TIAM1: variants seen among roughly 807,000 people sequenced by gnomAD.
The protein encoded by TIAM1 is TIAM Rac1 associated GEF 1.
TIAM1 carries 65 observed loss-of-function variants against 163.5 expected under a neutral mutation model. That is an observed-to-expected ratio of 0.40 (90% CI 0.33 to 0.49). The LOEUF is 0.49. Among genes scored for constraint, TIAM1 ranks in the 20% least tolerant of loss-of-function variants. TIAM1 has a pLI of 0.77. For synonymous variants in TIAM1, 833 were observed against 810.1 expected, an observed-to-expected ratio of 1.03 and a Z score of -0.48; for missense variants, 1,789 against 2,044.7, an observed-to-expected ratio of 0.87 and a Z score of 2.41.
At chr21:31,165,760 A>C (rs2084180897) in intron 15 of TIAM1, among the ~76,000 whole-genome samples, 1 of 152,112 alleles carries the variant, frequency 6.6e-6, no homozygotes, top group African/African-American at 2.4e-5. Context: ...TTAATTCATT[A>C]ATTACTAAAA....
At position 31,245,576 on chromosome 21, in the gene TIAM1, T is replaced by C; in HGVS notation, c.1496A>G (p.Asn499Ser). The change falls in exon 6 of 28, where the codon AAC becomes AGC. Residue 499 changes from asparagine to serine, a missense_variant. Physicochemically the swap from Asn to Ser is conservative, Grantham distance 46. Around this residue, in one of 5 missense-constraint regions of TIAM1, gnomAD observed 456 missense variants for 586.6 expected, o/e 0.78. Coordinates refer to ENST00000541036, the MANE Select transcript of TIAM1 (RefSeq NM_001353694.2). ...SIPKHAVWVENSIVQAVPEHP... is the reference protein window; with the variant it reads ...SIPKHAVWVESSIVQAVPEHP... ...CTCAGGCACCGCCTGCACAATGCTGTTCTCCACCCAGACGGCGTGTTTGGG... is the reference window on the plus strand; with the variant it reads ...CTCAGGCACCGCCTGCACAATGCTGCTCTCCACCCAGACGGCGTGTTTGGG... The C allele has an allele frequency of 1.2e-6, 2 of 1,609,086 alleles. No homozygotes were observed. Among genetic ancestry groups the C allele is most frequent in the South Asian group, 1.1e-5 (1 of 89,912 alleles).
At chr21:31,365,866 G>C (rs2076496408) in intron 2 of TIAM1, among the ~76,000 whole-genome samples, 1 of 151,744 alleles carries the variant, frequency 6.6e-6, no homozygotes, top group Non-Finnish European at 1.5e-5. Flanking sequence ...ACTTTGGAAG[G>C]CTCAGGCAGG....
At chr21:31,370,023 C>T (rs1480495399) in intron 2 of TIAM1, among the ~76,000 whole-genome samples, 1 of 152,148 alleles carries the variant, frequency 6.6e-6, no homozygotes, top group East Asian at 1.9e-4. Flanking sequence ...GACCCCTTTC[C>T]CTTCCACCAC....
chr21:31,152,722 ACT>A lies in TIAM1; in HGVS notation c.3278_3279del (p.Glu1093ValfsTer7). On this transcript the variant is annotated frameshift_variant, in exon 19 of 28. Transcript: ENST00000541036. LOFTEE classifies it high-confidence loss of function. ...AGAGTTTTAAGGAATTCTACTTGAA[ACT>A]CTACCATTTCCGTTAAATTTCCAAA... Reference protein sequence around the residue: ...VLFGNLTEMVEFQVEFLKTLE... With the variant: ...VLFGNLTEMVXFQVEFLKTLE... 1 of 1,613,772 alleles carries A rather than the reference ACT, an allele frequency of 6.2e-7. No homozygotes were observed. Among genetic ancestry groups the A allele is most frequent in the South Asian group, 1.1e-5 (1 of 91,034 alleles).
At position 31,169,102 on chromosome 21, in the gene TIAM1, T is replaced by C. The variant is rs117575474; in HGVS notation, c.2888-4037A>G. Among the ~76,000 whole-genome samples the C allele has an allele frequency of 4.9e-3, 745 of 152,294 alleles. 47 individuals are homozygous for C. In the East Asian group the frequency reaches 0.12, roughly 24 times the overall value. On this transcript the variant is annotated intron_variant, in intron 15 of 27. Coordinates refer to ENST00000541036, the MANE Select transcript of TIAM1 (RefSeq NM_001353694.2). Reference sequence around the variant, plus strand: ...TGAGGTCAGGAGTTCAAGACCAGTGTGGCCAACACGGTGAAATGCCATCTC... The same window carrying C: ...TGAGGTCAGGAGTTCAAGACCAGTGCGGCCAACACGGTGAAATGCCATCTC...
chr21:31,166,153 A>C (rs1489988563), intron 15 of TIAM1, among the ~76,000 whole-genome samples: 2 of 152,190 alleles, frequency 1.3e-5, no homozygotes, highest in Non-Finnish European at 2.9e-5. Flanking sequence ...GAATGATACT[A>C]ATCAAAACTG....
intron 2 of TIAM1, among the ~76,000 whole-genome samples, chr21:31,314,622 A>G (rs997484922): frequency 3.3e-5 from 5 of 152,010 alleles, no homozygotes; most frequent in African/African-American, 1.2e-4. Context: ...ATATTTTTTT[A>G]GAAATATTGG....
chr21:31,345,315 A>C (rs2076126993), upstream of TIAM1, among the ~76,000 whole-genome samples: 1 of 152,106 alleles, frequency 6.6e-6, no homozygotes, highest in Non-Finnish European at 1.5e-5. Flanking sequence ...CAAAAATAAA[A>C]ACCCAACATT....
At chr21:31,366,313 T>G (rs556108923) in intron 2 of TIAM1, among the ~76,000 whole-genome samples, 136 of 152,324 alleles carry the variant, frequency 8.9e-4, no homozygotes, top group African/African-American at 3.0e-3. Flanking sequence ...ACCAGTTACC[T>G]TATTCTTGCC....
intron 15 of TIAM1, 83 bp downstream of exon 15, chr21:31,182,338 A>G (rs1192745409): frequency 8.1e-7 from 1 of 1,232,140 alleles, no homozygotes; most frequent in East Asian, 2.7e-5. Context: ...GCACTCACTG[A>G]AACACACAAG....
At chr21:31,210,667 A>AGG (rs1555891066) in intron 10 of TIAM1, among the ~76,000 whole-genome samples, 23 of 20,956 alleles carry the variant, frequency 1.1e-3, no homozygotes, top group African/African-American at 5.3e-3. Context: ...GAAAGAAAGA[A>AGG]AAAGAAAGAA....
chr21:31,254,809 G>C (rs116120101), intron 4 of TIAM1, among the ~76,000 whole-genome samples: 2,813 of 152,240 alleles, frequency 0.018, 87 homozygotes, highest in African/African-American at 0.063. Context: ...TGACCTGCCT[G>C]GCAAAAAGCT....
chr21:31,185,176 TC>T, intron 14 of TIAM1, among the ~76,000 whole-genome samples: 1 of 151,910 alleles, frequency 6.6e-6, no homozygotes, highest in Admixed American at 6.6e-5. Flanking sequence ...AAACTACAAA[TC>T]CCATAGCAAG....
chr21:31,191,166 C>CT (rs942768408), intron 13 of TIAM1, among the ~76,000 whole-genome samples: 60 of 149,486 alleles, frequency 4.0e-4, no homozygotes, highest in Middle Eastern at 3.5e-3. Flanking sequence ...CTTTTCTTTT[C>CT]TTTTTTTTTT....
chr21:31,173,324 T>C (rs2084603700), intron 15 of TIAM1, among the ~76,000 whole-genome samples: 2 of 151,784 alleles, frequency 1.3e-5, no homozygotes, highest in South Asian at 4.2e-4. Flanking sequence ...CGTTTGGGGG[T>C]GGGGGCAAAA....
At chr21:31,180,521 CT>C (rs551863943) in intron 15 of TIAM1, among the ~76,000 whole-genome samples, 36 of 146,952 alleles carry the variant, frequency 2.4e-4, no homozygotes, top group Admixed American at 2.7e-4. Context: ...TTACCCACCT[CT>C]TTTTTTTTTT....
chr21:31,375,322 G>C (rs1474782204), intron 2 of TIAM1, among the ~76,000 whole-genome samples: 1 of 152,102 alleles, frequency 6.6e-6, no homozygotes, highest in Non-Finnish European at 1.5e-5. Context: ...TGTGGTGTTT[G>C]GGTACAAAAA....
intron 2 of TIAM1, among the ~76,000 whole-genome samples, chr21:31,378,441 A>T (rs1222471574): frequency 6.6e-6 from 1 of 152,246 alleles, no homozygotes. Context: ...TCAGTGTCCC[A>T]CATAAAGTAC....
intron 1 of TIAM1, among the ~76,000 whole-genome samples, chr21:31,541,863 A>C (rs2048332665): frequency 6.6e-6 from 1 of 152,236 alleles, no homozygotes; most frequent in Non-Finnish European, 1.5e-5. Context: ...TAAAAGAGTA[A>C]GCTGATCCAT....
Sources: gnomAD v4.1 joint callset for allele counts (sites outside exome capture counted in the v4.1 genomes callset) on GRCh38, gnomAD v4.1.1 for gene constraint, gnomAD v4.1.1 regional missense constraint, MANE v1.5 for transcripts, NCBI Gene and HGNC (gene_info 2026-07-23, HGNC 2026-07-21) for gene names.